COL23A1: variants seen among roughly 807,000 people sequenced by gnomAD.
COL23A1 encodes the protein collagen alpha-1(XXIII) chain.
In COL23A1, 97 loss-of-function variants were observed where a neutral mutation model predicts 99.3. The observed-to-expected ratio is 0.98, with a 90% CI of 0.83 to 1.16. COL23A1 has a LOEUF of 1.16. Ranked by LOEUF, COL23A1 falls within the 50% of genes most tolerant of loss-of-function variation. The pLI is 0.00. For synonymous variants in COL23A1, 320 were observed against 308.2 expected (o/e 1.04, Z -0.40); for missense variants, 762 against 757.4 (o/e 1.01, Z -0.07).
chr5:178,259,727 T>C lies in COL23A1; in HGVS notation c.723A>G (p.Gly241=). The stretch of plus-strand genomic sequence containing the variant: ...CTCCATTGGCCCCTCTCACCTTCTT[T>C]CCAGGTACTCCAGGCTCACCCTGGG... ...PGPKGEPGVP[G]KKGDDGTPSQ... The change falls in exon 12 of 29, where the codon GGA becomes GGG. Residue 241 remains glycine (G), a synonymous_variant. Coordinates refer to ENST00000390654, the MANE Select transcript of COL23A1 (RefSeq NM_173465.4). 3 of 1,602,662 alleles carry C rather than the reference T, an allele frequency of 1.9e-6. No individual in the cohort carries two copies. The highest frequency in any genetic ancestry group is 1.7e-6 in the Non-Finnish European group (2 of 1,172,798).
At chr5:178,357,995 T>A (rs1033318606) in intron 2 of COL23A1, among the ~76,000 whole-genome samples, 4 of 149,942 alleles carry the variant, frequency 2.7e-5, no homozygotes, top group Non-Finnish European at 5.9e-5. Context: ...TGTATGCGTG[T>A]GTGTATATGT....
intron 1 of COL23A1, among the ~76,000 whole-genome samples, chr5:178,585,745 ACCC>A (rs1581688974): frequency 1.8e-4 from 1 of 5,464 alleles, no homozygotes; most frequent in Non-Finnish European, 4.3e-4. Flanking sequence ...GCCCTGGCTG[ACCC>A]TGTTGGTTGC....
chr5:178,334,688 C>T (rs547429499), intron 2 of COL23A1, among the ~76,000 whole-genome samples: 11 of 152,318 alleles, frequency 7.2e-5, no homozygotes, highest in Admixed American at 6.5e-4. Flanking sequence ...ACCTACCTGC[C>T]ATCTGCACTT....
In COL23A1 at chr5:178,589,336, C is replaced by T. The variant is rs1358106680; in HGVS notation, c.294+568G>A. ...ATCTTACCAAGTCATGTGGGCGCCC[C>T]CACCCCCATCCCCGAGGCCTCAGTG... On this transcript the variant is annotated intron_variant, in intron 1 of 28. Coordinates refer to ENST00000390654, the MANE Select transcript of COL23A1 (RefSeq NM_173465.4). The surrounding 1 kb of genome is among the most constrained non-coding windows in gnomAD (Gnocchi z 5.4). 6.6e-6 allele frequency among the ~76,000 whole-genome samples: 1 copy of T among 152,080 alleles called. No homozygotes were observed. Among genetic ancestry groups the T allele is most frequent in the Non-Finnish European group, 1.5e-5 (1 of 68,018 alleles).
intron 2 of COL23A1, among the ~76,000 whole-genome samples, chr5:178,358,623 GTGTA>G (rs538034607): frequency 3.1e-3 from 452 of 146,064 alleles, no homozygotes; most frequent in African/African-American, 9.9e-3. Context: ...GTATGTATGT[GTGTA>G]TGTGTCTAGT....
chr5:178,436,426 G>A (rs568543077), intron 2 of COL23A1, among the ~76,000 whole-genome samples: 2 of 152,006 alleles, frequency 1.3e-5, no homozygotes, highest in African/African-American at 2.4e-5. Flanking sequence ...GGGTGGGGTC[G>A]GGGTGGCTGG....
At chr5:178,469,550 G>C (rs1471514763) in intron 2 of COL23A1, among the ~76,000 whole-genome samples, 1 of 152,090 alleles carries the variant, frequency 6.6e-6, no homozygotes, top group Non-Finnish European at 1.5e-5. Flanking sequence ...GCAGTCTGTA[G>C]CTGGGGCCCC....
chr5:178,272,490 C>T (rs1344246793), intron 5 of COL23A1, among the ~76,000 whole-genome samples: 3 of 152,158 alleles, frequency 2.0e-5, no homozygotes, highest in East Asian at 3.9e-4. Context: ...AGAGTGATGG[C>T]CTGGTGACAG....
At chr5:178,542,757 G>A (rs1211087186) in intron 2 of COL23A1, among the ~76,000 whole-genome samples, 2 of 152,140 alleles carry the variant, frequency 1.3e-5, no homozygotes, top group African/African-American at 4.8e-5. Flanking sequence ...CTTTGATGGC[G>A]TTTTGGTGTA....
intron 1 of COL23A1, among the ~76,000 whole-genome samples, chr5:178,581,655 G>T (rs922387718): frequency 2.0e-5 from 3 of 151,898 alleles, no homozygotes; most frequent in African/African-American, 7.3e-5. Context: ...AATAACAGAA[G>T]AAAGAAACTT....
At chr5:178,535,369 G>A (rs1405116039) in intron 2 of COL23A1, among the ~76,000 whole-genome samples, 4 of 152,244 alleles carry the variant, frequency 2.6e-5, no homozygotes, top group Non-Finnish European at 5.9e-5. Flanking sequence ...CCAAGCCTCG[G>A]TTACACACAG....
At position 178,468,166 on chromosome 5, in the gene COL23A1, G is replaced by T. The variant is rs1317757573; in HGVS notation, c.361+92516C>A. Among the ~76,000 whole-genome samples the T allele has an allele frequency of 3.3e-5, 5 of 152,178 alleles. No homozygotes were observed. The highest frequency in any genetic ancestry group is 7.3e-5 in the Non-Finnish European group (5 of 68,032). On this transcript the variant is annotated intron_variant, in intron 2 of 28. Transcript: ENST00000390654. The surrounding 1 kb of genome is among the most constrained non-coding windows in gnomAD (Gnocchi z 4.2). ...AGAGCGCCGGCTTTGGGGTGTGCTTGTGTGTTCACGGAGGATGAACACACC... is the reference window on the plus strand; with the variant it reads ...AGAGCGCCGGCTTTGGGGTGTGCTTTTGTGTTCACGGAGGATGAACACACC...
intron 5 of COL23A1, among the ~76,000 whole-genome samples, chr5:178,287,279 A>T (rs1031344739): frequency 1.3e-5 from 2 of 152,046 alleles, no homozygotes; most frequent in Non-Finnish European, 2.9e-5. Context: ...TTGCTGGGGG[A>T]GCTGCCCGGA....
intron 2 of COL23A1, among the ~76,000 whole-genome samples, chr5:178,478,869 G>T (rs1470429437): frequency 6.6e-6 from 1 of 152,196 alleles, no homozygotes; most frequent in African/African-American, 2.4e-5. Context: ...AAGGCACAGA[G>T]ATCCTGGCTC....
chr5:178,482,452 A>G (rs746050688), intron 2 of COL23A1, among the ~76,000 whole-genome samples: 1 of 152,126 alleles, frequency 6.6e-6, no homozygotes. Context: ...CGGGGCAAAG[A>G]GGGGATTGGG....
At chr5:178,550,220 G>C (rs1254114620) in intron 2 of COL23A1, among the ~76,000 whole-genome samples, 1 of 152,210 alleles carries the variant, frequency 6.6e-6, no homozygotes, top group East Asian at 1.9e-4. Context: ...AACTAAAGAA[G>C]ATTTTTCTGT....
chr5:178,414,242 C>CA (rs1765187498), intron 2 of COL23A1, among the ~76,000 whole-genome samples: 1 of 152,200 alleles, frequency 6.6e-6, no homozygotes, highest in South Asian at 2.1e-4. Flanking sequence ...CCCACAGCAA[C>CA]AGCAGTGCTG....
chr5:178,343,128 G>C (rs1418932429), intron 2 of COL23A1, among the ~76,000 whole-genome samples: 2 of 152,206 alleles, frequency 1.3e-5, no homozygotes, highest in Admixed American at 1.3e-4. Flanking sequence ...AACCACAGAA[G>C]GCCCTAGAAG....
chr5:178,557,411 A>G (rs778866114), intron 2 of COL23A1, among the ~76,000 whole-genome samples: 45 of 152,106 alleles, frequency 3.0e-4, no homozygotes, highest in Non-Finnish European at 4.1e-4. Context: ...CCACTACACT[A>G]TTTTATTGAG....
Sources: gnomAD v4.1 joint callset for allele counts (sites outside exome capture counted in the v4.1 genomes callset) on GRCh38, gnomAD v4.1.1 for gene constraint, Gnocchi (gnomAD v3.1) non-coding constraint, MANE v1.5 for transcripts, NCBI Gene and HGNC (gene_info 2026-07-23, HGNC 2026-07-21) for gene names.